DOK5: variants seen among roughly 807,000 people sequenced by gnomAD.
DOK5 encodes the protein downstream of tyrosine kinase 5.
Under a neutral mutation model 43.3 loss-of-function variants are expected in DOK5, and 27 were observed. The ratio of observed to expected loss-of-function variants is 0.62; its 90% CI spans 0.46 to 0.86. DOK5 has a LOEUF of 0.86. Ranked by LOEUF, DOK5 falls within the 40% of genes least tolerant of loss-of-function variation. The pLI is 0.00. For missense variants in DOK5, 373 were observed against 392.9 expected (o/e 0.95, Z 0.43); for synonymous variants, 146 against 140.1 (o/e 1.04, Z -0.30).
chr20:54,611,147 T>C (rs141536028), intron 6 of DOK5, among the ~76,000 whole-genome samples: 2 of 152,346 alleles, frequency 1.3e-5, no homozygotes, highest in Non-Finnish European at 2.9e-5. Flanking sequence ...GTGTGCCATC[T>C]CTTCACAGTC....
At chr20:54,596,406 T>C (rs1417434880) in intron 5 of DOK5, among the ~76,000 whole-genome samples, 1 of 152,244 alleles carries the variant, frequency 6.6e-6, no homozygotes, top group African/African-American at 2.4e-5. Context: ...GAATCTTTCT[T>C]GGACAAAGTT....
chr20:54,486,179 A>C (rs1299758787), intron 1 of DOK5, among the ~76,000 whole-genome samples: 1 of 152,078 alleles, frequency 6.6e-6, no homozygotes. Context: ...TAAGGTGTGC[A>C]TTTCAGGTCA....
intron 2 of DOK5, among the ~76,000 whole-genome samples, chr20:54,572,574 A>T (rs1985318676): frequency 6.6e-6 from 1 of 152,222 alleles, no homozygotes; most frequent in South Asian, 2.1e-4. Context: ...CCTAGCATAT[A>T]ATTAAGAAAA....
chr20:54,562,633 G>A (rs1984947340), intron 2 of DOK5, among the ~76,000 whole-genome samples: 1 of 151,974 alleles, frequency 6.6e-6, no homozygotes, highest in Non-Finnish European at 1.5e-5. Flanking sequence ...GTCCATGCTG[G>A]TCTCGAACTC....
At chr20:54,588,202 AAAACC>A (rs939164285) in intron 2 of DOK5, among the ~76,000 whole-genome samples, 13 of 152,212 alleles carry the variant, frequency 8.5e-5, no homozygotes, top group African/African-American at 3.1e-4. Context: ...AGAAAAAAGA[AAAACC>A]AAAATGTTCT....
rs1224979045 is a variant in DOK5 at position 54,650,584 on chromosome 20, C to T, written c.*105C>T. On this transcript the variant is annotated 3_prime_UTR_variant, in exon 8 of 8. Coordinates refer to ENST00000262593, the MANE Select transcript of DOK5 (RefSeq NM_018431.5). ...GGGAAATGACGACCAAGAGAAGAAG[C>T]TTAAAGTCCTGGCTAATTGTGTGGT... 9.5e-7 allele frequency: 1 copy of T among 1,048,258 alleles called. No individual in the cohort carries two copies. The highest frequency in any genetic ancestry group is 1.4e-6 in the Non-Finnish European group (1 of 701,588). 64.9% of individuals were successfully genotyped at this position (1,048,258 alleles called of 1,614,324 possible). A position where few individuals can be genotyped will look rare whatever the true frequency, so the allele number is the denominator to read the frequency against.
chr20:54,645,925 C>CAAAAAAAAAAAAAAAAAAAAAAAAAAAAA (rs550943378), intron 7 of DOK5, among the ~76,000 whole-genome samples: 8 of 85,876 alleles, frequency 9.3e-5, no homozygotes, highest in African/African-American at 2.2e-4. Flanking sequence ...GCAGATGCTG[C>CAAAAAAAAAAAAAAAAAAAAAAAAAAAAA]AAAAAAAAAA....
intron 1 of DOK5, among the ~76,000 whole-genome samples, chr20:54,518,109 A>T (rs1025237964): frequency 1.3e-5 from 2 of 152,122 alleles, no homozygotes; most frequent in Non-Finnish European, 2.9e-5. Context: ...AGCTACTATC[A>T]TAATCCCTAT....
intron 2 of DOK5, among the ~76,000 whole-genome samples, chr20:54,578,565 C>A (rs75749079): frequency 6.6e-6 from 1 of 152,204 alleles, no homozygotes; most frequent in East Asian, 1.9e-4. Flanking sequence ...GCAGAAAGAT[C>A]GTGTGCAAGG....
chr20:54,639,969 G>C (rs535503744), intron 6 of DOK5, among the ~76,000 whole-genome samples: 1 of 152,190 alleles, frequency 6.6e-6, no homozygotes, highest in African/African-American at 2.4e-5. Context: ...CGGGTGGCCA[G>C]AGCCCACCAT....
At chr20:54,561,279 G>C (rs1984895706) in intron 2 of DOK5, among the ~76,000 whole-genome samples, 1 of 152,112 alleles carries the variant, frequency 6.6e-6, no homozygotes, top group African/African-American at 2.4e-5. Flanking sequence ...CTGTCCATTT[G>C]GGGCTGATCC....
At chr20:54,633,718 A>G (rs910363956) in intron 6 of DOK5, among the ~76,000 whole-genome samples, 1 of 152,218 alleles carries the variant, frequency 6.6e-6, no homozygotes, top group Non-Finnish European at 1.5e-5. Context: ...CACTTGAGTT[A>G]TTAATACTTT....
chr20:54,606,011 C>T (rs185065735), intron 5 of DOK5, among the ~76,000 whole-genome samples: 20 of 152,332 alleles, frequency 1.3e-4, no homozygotes, highest in Middle Eastern at 3.4e-3. Context: ...GATGGCAGGC[C>T]AGCCAGGTGA....
intron 1 of DOK5, among the ~76,000 whole-genome samples, chr20:54,500,256 A>G (rs933784296): frequency 1.3e-5 from 2 of 152,240 alleles, no homozygotes; most frequent in Non-Finnish European, 2.9e-5. Context: ...TAAATTCCAT[A>G]GTTAGAATCT....
chr20:54,642,398 G>A (rs1427764770), intron 6 of DOK5, among the ~76,000 whole-genome samples: 1 of 151,908 alleles, frequency 6.6e-6, no homozygotes, highest in African/African-American at 2.4e-5. Context: ...CCCAACACAA[G>A]TCAGTTTAAA....
intron 1 of DOK5, among the ~76,000 whole-genome samples, chr20:54,545,241 A>G (rs1478364630): frequency 1.3e-5 from 2 of 152,194 alleles, no homozygotes; most frequent in African/African-American, 4.8e-5. Context: ...TTTGCAGACA[A>G]TGGCAGATAG....
intron 6 of DOK5, among the ~76,000 whole-genome samples, chr20:54,615,289 T>G (rs1453236344): frequency 6.6e-6 from 1 of 152,160 alleles, no homozygotes; most frequent in African/African-American, 2.4e-5. Context: ...GGCTGAATAA[T>G]GGCTCCCCAA....
At chr20:54,635,635 T>C (rs1388657752) in intron 6 of DOK5, among the ~76,000 whole-genome samples, 1 of 152,234 alleles carries the variant, frequency 6.6e-6, no homozygotes, top group Non-Finnish European at 1.5e-5. Flanking sequence ...CTTATATGTA[T>C]TGATTGATGT....
At chr20:54,626,317 T>G (rs1227964889) in intron 6 of DOK5, among the ~76,000 whole-genome samples, 1 of 152,194 alleles carries the variant, frequency 6.6e-6, no homozygotes, top group Non-Finnish European at 1.5e-5. Context: ...GTTAGGAGGC[T>G]TCTTCTAATT....
Sources: gnomAD v4.1 joint callset for allele counts (sites outside exome capture counted in the v4.1 genomes callset) on GRCh38, gnomAD v4.1.1 for gene constraint, MANE v1.5 for transcripts, NCBI Gene and HGNC (gene_info 2026-07-23, HGNC 2026-07-21) for gene names.